Variants in ARHGEF3 observed in about 807,000 individuals in gnomAD.
ARHGEF3 encodes the protein 59.8 kDA protein.
ARHGEF3 carries 28 observed loss-of-function variants against 63.2 expected under a neutral mutation model. The observed-to-expected ratio is 0.44, with a 90% CI of 0.33 to 0.61. The LOEUF is 0.61. Among genes scored for constraint, ARHGEF3 ranks in the 20% least tolerant of loss-of-function variants. The pLI, the probability that ARHGEF3 is intolerant of heterozygous loss-of-function variation, is 0.03. For missense variants in ARHGEF3, 533 were observed against 659.3 expected (o/e 0.81, Z 2.10); for synonymous variants, 266 against 254.2 (o/e 1.05, Z -0.44).
At chr3:56,836,897 A>G (rs2039130515) in intron 4 of ARHGEF3, among the ~76,000 whole-genome samples, 1 of 152,210 alleles carries the variant, frequency 6.6e-6, no homozygotes, top group Non-Finnish European at 1.5e-5. Flanking sequence ...ACTGCACTCC[A>G]GCCTGGGTAA....
At chr3:56,755,894 A>G (rs2035042087) in intron 2 of ARHGEF3, among the ~76,000 whole-genome samples, 1 of 152,186 alleles carries the variant, frequency 6.6e-6, no homozygotes. Flanking sequence ...CTTTACCAAT[A>G]CTGCTTGAGC....
At chr3:56,975,814 A>G in intron 2 of ARHGEF3, 1 of 423,830 alleles carries the variant, frequency 2.4e-6, no homozygotes, top group South Asian at 1.7e-5. Context: ...CATGAAGTAT[A>G]ACAGGACTTA....
rs368519612 is a variant in ARHGEF3, at chr3:56,934,556, C to T, written c.129+24267G>A. Among the ~76,000 whole-genome samples, 15 of 152,344 alleles carry T rather than the reference C, an allele frequency of 9.8e-5. No homozygotes were observed. In the South Asian group the frequency reaches 2.1e-3, roughly 21 times the overall value. The stretch of plus-strand genomic sequence containing the variant: ...GTGTGGGCTTGGCGGCCCCCGCACT[C>T]GGAGCAGCTGCCGGCTCTGCCAGCC... On this transcript the variant is annotated intron_variant, in intron 3 of 12. Coordinates refer to the ARHGEF3 transcript ENST00000338458.
intron 1 of ARHGEF3, among the ~76,000 whole-genome samples, chr3:56,785,579 G>A (rs1383167098): frequency 6.6e-6 from 1 of 152,186 alleles, no homozygotes; most frequent in Non-Finnish European, 1.5e-5. Flanking sequence ...GGACCACACA[G>A]AACCACAGAA....
At chr3:57,011,737 C>T (rs1369184354) in intron 2 of ARHGEF3, among the ~76,000 whole-genome samples, 2 of 152,190 alleles carry the variant, frequency 1.3e-5, no homozygotes, top group Non-Finnish European at 1.5e-5. Context: ...AAACTTTGGT[C>T]TCCTCATCTG....
chr3:56,741,838 A>G (rs2034060381), intron 7 of ARHGEF3, among the ~76,000 whole-genome samples: 2 of 152,162 alleles, frequency 1.3e-5, no homozygotes, highest in South Asian at 4.1e-4. Flanking sequence ...ATTTTGCAGA[A>G]TTTCAGGGAG....
intron 1 of ARHGEF3, among the ~76,000 whole-genome samples, chr3:56,784,349 A>G (rs761062914): frequency 1.5e-4 from 23 of 152,218 alleles, no homozygotes; most frequent in Non-Finnish European, 2.8e-4. Context: ...TGCCACACCC[A>G]TCCGCCGGTC....
chr3:56,968,327 T>TATATATA (rs1374186538), intron 2 of ARHGEF3, among the ~76,000 whole-genome samples: 1 of 54,588 alleles, frequency 1.8e-5, no homozygotes, highest in Non-Finnish European at 3.7e-5. Context: ...ATATTTTATA[T>TATATATA]ATATATAATA....
intron 1 of ARHGEF3, among the ~76,000 whole-genome samples, chr3:57,039,797 C>A (rs1170444755): frequency 2.0e-5 from 3 of 152,140 alleles, no homozygotes; most frequent in African/African-American, 7.2e-5. Context: ...GAACCAGACC[C>A]TCCTATAGGA....
intron 4 of ARHGEF3, among the ~76,000 whole-genome samples, chr3:56,846,700 C>G (rs1485816139): frequency 6.6e-6 from 1 of 152,094 alleles, no homozygotes; most frequent in Admixed American, 6.5e-5. Context: ...AACTTCACAA[C>G]TTTTTTCCCA....
intron 3 of ARHGEF3, among the ~76,000 whole-genome samples, chr3:56,887,018 T>A (rs949471203): frequency 3.3e-5 from 5 of 152,202 alleles, no homozygotes; most frequent in Non-Finnish European, 4.4e-5. Context: ...ACCTTTATTC[T>A]ACTAGAGAGA....
chr3:57,062,423 C>T (rs1391091157), intron 1 of ARHGEF3, among the ~76,000 whole-genome samples: 1 of 152,204 alleles, frequency 6.6e-6, no homozygotes, highest in Admixed American at 6.5e-5. Context: ...AGCCCCCACT[C>T]GGGCTCAGGC....
chr3:56,997,275 A>G (rs1056492838), intron 2 of ARHGEF3, among the ~76,000 whole-genome samples: 5 of 151,698 alleles, frequency 3.3e-5, no homozygotes, highest in Admixed American at 6.6e-5. Flanking sequence ...GGAGCCCCCA[A>G]CTCTCAATTC....
chr3:56,846,237 C>G (rs572236893), intron 4 of ARHGEF3, among the ~76,000 whole-genome samples: 1 of 152,184 alleles, frequency 6.6e-6, no homozygotes, highest in African/African-American at 2.4e-5. Flanking sequence ...ATTTTTTACT[C>G]TACTTCATGC....
intron 3 of ARHGEF3, among the ~76,000 whole-genome samples, chr3:56,897,961 G>A (rs1195226554): frequency 6.6e-6 from 1 of 151,396 alleles, no homozygotes; most frequent in African/African-American, 2.4e-5. Context: ...GCTCACTGAA[G>A]CCTTGACCTC....
At chr3:56,948,345 T>C (rs1578921179) in intron 3 of ARHGEF3, among the ~76,000 whole-genome samples, 1 of 152,068 alleles carries the variant, frequency 6.6e-6, no homozygotes, top group Admixed American at 6.6e-5. Flanking sequence ...CAGGAGCTGG[T>C]TTTTTGAAAA....
At chr3:57,056,170 G>A (rs779191994) in intron 1 of ARHGEF3, among the ~76,000 whole-genome samples, 6 of 151,962 alleles carry the variant, frequency 3.9e-5, no homozygotes, top group African/African-American at 7.3e-5. Flanking sequence ...GGCAGATCCC[G>A]AGATCAGAAG....
intron 1 of ARHGEF3, among the ~76,000 whole-genome samples, chr3:57,046,928 G>C (rs1032363230): frequency 5.9e-5 from 9 of 152,182 alleles, no homozygotes; most frequent in African/African-American, 2.2e-4. Context: ...TGAACTAAAT[G>C]CAAGAGAAAT....
chr3:56,792,378 C>G (rs2037133212), intron 1 of ARHGEF3, among the ~76,000 whole-genome samples: 1 of 152,148 alleles, frequency 6.6e-6, no homozygotes, highest in Non-Finnish European at 1.5e-5. Context: ...TGAGTAATGG[C>G]TGCAAATGAT....
Sources: allele counts gnomAD v4.1 joint callset (sites outside exome capture counted in the v4.1 genomes callset), GRCh38; gene constraint gnomAD v4.1.1; transcripts MANE v1.5; gene names NCBI Gene and HGNC (gene_info 2026-07-23, HGNC 2026-07-21).